The following CCT8 variants were observed in gnomAD, a reference collection of about 807,000 sequenced individuals.
CCT8 encodes the protein T-complex protein 1 subunit theta.
In CCT8, 10 loss-of-function variants were observed where a neutral mutation model predicts 65.7. The observed-to-expected ratio is 0.15, with a 90% CI of 0.09 to 0.26. The LOEUF is 0.26. Ranked by LOEUF, CCT8 falls within the 10% of genes least tolerant of loss-of-function variation. CCT8 has a pLI of 1.00. For synonymous variants in CCT8, 199 were observed against 221.8 expected, an observed-to-expected ratio of 0.90 and a Z score of 0.92; for missense variants, 568 against 669.1, an observed-to-expected ratio of 0.85 and a Z score of 1.67.
intron 14 of CCT8, chr21:29,059,645 T>A (rs550989515): frequency 6.6e-6 from 1 of 152,344 alleles, no homozygotes; most frequent in South Asian, 2.1e-4. Flanking sequence ...CCATTGAAAA[T>A]CACCTAATAA....
chr21:29,070,405 A>C (rs1161551241), intron 1 of CCT8, 68 bp from the exon 2 acceptor site: 4 of 916,958 alleles, frequency 4.4e-6, no homozygotes, highest in Non-Finnish European at 6.7e-6. Context: ...TTTCAAATAC[A>C]AGATATCTTT....
chr21:29,064,854 G>A (rs2085603990), intron 7 of CCT8, 114 bp downstream of exon 7: 6 of 819,998 alleles, frequency 7.3e-6, no homozygotes, highest in Non-Finnish European at 1.2e-5. Context: ...AAAAAAATAG[G>A]TAAGATCCTG....
chr21:29,066,548 A>G (rs865913056), intron 6 of CCT8, among the ~76,000 whole-genome samples, 168 bp downstream of exon 6: 2 of 152,354 alleles, frequency 1.3e-5, no homozygotes, highest in Admixed American at 6.5e-5. Flanking sequence ...TCAAAAATAA[A>G]TAAGTACATA....
chr21:29,062,936 G>C (rs1488067637), intron 8 of CCT8: 1 of 322,278 alleles, frequency 3.1e-6, no homozygotes, highest in Non-Finnish European at 5.7e-6. Context: ...GTGAACAAGA[G>C]TGATTTATTT....
At chr21:29,060,407 AC>A (rs2085549959) in intron 14 of CCT8, 133 bp downstream of exon 14, 1 of 810,696 alleles carries the variant, frequency 1.2e-6, no homozygotes. Context: ...GGAGGGGGGC[AC>A]ATAGTATCTC....
intron 6 of CCT8, among the ~76,000 whole-genome samples, chr21:29,065,624 G>A (rs939354202): frequency 1.3e-5 from 2 of 152,058 alleles, no homozygotes; most frequent in African/African-American, 2.4e-5. Flanking sequence ...CCACTGATAG[G>A]TTTTACTCTA....
intron 1 of CCT8, among the ~76,000 whole-genome samples, chr21:29,073,013 T>A (rs988012888): frequency 6.6e-6 from 1 of 152,222 alleles, no homozygotes; most frequent in African/African-American, 2.4e-5. Context: ...GCATGGCTTC[T>A]GTCAACTAAG....
chr21:29,073,192 T>C (rs1169969501), intron 1 of CCT8: 1 of 941,948 alleles, frequency 1.1e-6, no homozygotes, highest in Non-Finnish European at 1.3e-6. Context: ...GTTATTCAAT[T>C]TCACCCTCAC....
At chr21:29,062,024 C>A (rs1037225413) in intron 11 of CCT8, 104 bp downstream of exon 11, 4 of 752,478 alleles carry the variant, frequency 5.3e-6, no homozygotes, top group South Asian at 1.7e-5. Context: ...ATAAACCACT[C>A]ATTCTGAAGT....
Position 29,065,116 on chromosome 21 carries a change from GA to G in CCT8, c.625-12del. 1 of 1,612,936 alleles carries G rather than the reference GA, an allele frequency of 6.2e-7. No individual in the cohort carries two copies. Among genetic ancestry groups the G allele is most frequent in the East Asian group, 2.2e-5 (1 of 44,864 alleles). On this transcript the variant is annotated splice_polypyrimidine_tract_variant and intron_variant, in intron 6 of 14. Coordinates refer to ENST00000286788, the MANE Select transcript of CCT8 (RefSeq NM_006585.4). Reference sequence around the variant, plus strand: ...ACTGATACCAGAGCCCTAAGGAATTGAATACCAAACTCATCAGCAATCTCCT... The same window carrying G: ...ACTGATACCAGAGCCCTAAGGAATTGATACCAAACTCATCAGCAATCTCCT...
intron 2 of CCT8, among the ~76,000 whole-genome samples, chr21:29,069,823 T>G (rs753426710): frequency 6.6e-6 from 1 of 152,218 alleles, no homozygotes; most frequent in Non-Finnish European, 1.5e-5. Context: ...GAAATTAACA[T>G]GTAAAAAGGC....
chr21:29,065,490 G>A (rs558567615), intron 6 of CCT8, among the ~76,000 whole-genome samples: 3 of 152,210 alleles, frequency 2.0e-5, no homozygotes, highest in African/African-American at 7.2e-5. Flanking sequence ...GGAAAAGCTG[G>A]CAGTACGTGG....
At chr21:29,068,571 T>C (rs1041353542) in intron 3 of CCT8, among the ~76,000 whole-genome samples, 11 of 152,154 alleles carry the variant, frequency 7.2e-5, no homozygotes, top group Non-Finnish European at 1.2e-4. Flanking sequence ...GCAATTCTCC[T>C]GCCCTAGCCT....
At chr21:29,066,616 G>C (rs1321443079) in intron 6 of CCT8, 100 bp downstream of exon 6, 1 of 691,554 alleles carries the variant, frequency 1.4e-6, no homozygotes, top group Non-Finnish European at 2.5e-6. Flanking sequence ...GTAACATTTA[G>C]GTTTAGATGA....
At chr21:29,067,268 A>G (rs536558738) in intron 4 of CCT8, among the ~76,000 whole-genome samples, 197 bp from the exon 5 acceptor site, 1 of 152,292 alleles carries the variant, frequency 6.6e-6, no homozygotes, top group South Asian at 2.1e-4. Context: ...TACCTAACTC[A>G]CTAGCTATGA....
chr21:29,067,584 A>G lies in CCT8; in HGVS notation c.353T>C (p.Leu118Pro). 6.8e-7 allele frequency: 1 copy of G among 1,460,986 alleles called. No individual in the cohort carries two copies. The highest frequency in any genetic ancestry group is 1.6e-5 in the South Asian group (1 of 64,354). The allele number at this position is 1,460,986 out of a possible 1,614,324, so 90.5% of individuals were successfully genotyped here. The change falls in exon 4 of 15, where the codon CTT becomes CCT. Residue 118 changes from leucine (L) to proline (P), a missense_variant. Leu to Pro is a moderately conservative substitution (Grantham distance 98). Transcript: ENST00000286788. Reference sequence around the variant, plus strand: ...TGAAACTGACAGGCCAATCCTCAGAAGTTCTTCAGCTAATTCCAGGAGAGC... The same window carrying G: ...TGAAACTGACAGGCCAATCCTCAGAGGTTCTTCAGCTAATTCCAGGAGAGC... ...AGALLELAEE[L>P]LRIGLSVSEV...
chr21:29,065,576 T>G (rs1341621530), intron 6 of CCT8, among the ~76,000 whole-genome samples: 2 of 152,222 alleles, frequency 1.3e-5, no homozygotes, highest in East Asian at 3.8e-4. Flanking sequence ...AAATTCACAT[T>G]AACAATCAGA....
chr21:29,069,276 T>C (rs1027638390), intron 3 of CCT8, 147 bp downstream of exon 3: 1 of 468,212 alleles, frequency 2.1e-6, no homozygotes, highest in African/African-American at 2.0e-5. Flanking sequence ...AGAGGACTCT[T>C]TATAATTAGA....
chr21:29,057,962 C>G (rs2085522645), intron 14 of CCT8: 1 of 151,804 alleles, frequency 6.6e-6, no homozygotes. Flanking sequence ...CTGTGGTGAG[C>G]TGATTATGAT....
Sources: gnomAD v4.1 joint callset for allele counts (sites outside exome capture counted in the v4.1 genomes callset) on GRCh38, gnomAD v4.1.1 for gene constraint, MANE v1.5 for transcripts, NCBI Gene and HGNC (gene_info 2026-07-23, HGNC 2026-07-21) for gene names.